MYO5C: variants seen among roughly 807,000 people sequenced by gnomAD.
The protein encoded by MYO5C is unconventional myosin-Vc.
Under a neutral mutation model 235.7 loss-of-function variants are expected in MYO5C, and 194 were observed. The ratio of observed to expected loss-of-function variants is 0.82; its 90% CI spans 0.73 to 0.93. The LOEUF is 0.93. Ranked by LOEUF, MYO5C falls within the 40% of genes least tolerant of loss-of-function variation. The pLI is 0.00. For synonymous variants in MYO5C, 707 were observed against 754.8 expected (o/e 0.94, Z 1.04); for missense variants, 2,038 against 2,127.2 (o/e 0.96, Z 0.82).
chr15:52,277,811 G>A (rs1313775908), intron 4 of MYO5C: 1 of 454,338 alleles, frequency 2.2e-6, no homozygotes, highest in Non-Finnish European at 4.4e-6. Context: ...CTGCCCATCA[G>A]ACATCTGTGC....
intron 21 of MYO5C, among the ~76,000 whole-genome samples, chr15:52,238,442 G>A (rs146807612): frequency 6.6e-6 from 1 of 152,114 alleles, no homozygotes; most frequent in Non-Finnish European, 1.5e-5. Context: ...CAGACACCAA[G>A]TCTATTTCTT....
chr15:52,273,109 A>T (rs1313207306), intron 5 of MYO5C, among the ~76,000 whole-genome samples: 1 of 152,222 alleles, frequency 6.6e-6, no homozygotes, highest in African/African-American at 2.4e-5. Context: ...ACTTGAGGCC[A>T]GGAGTTTGAG....
intron 19 of MYO5C, chr15:52,242,536 C>A: frequency 4.6e-6 from 1 of 217,976 alleles, no homozygotes; most frequent in Non-Finnish European, 9.3e-6. Context: ...ATATCCCCCA[C>A]GGCTGCTTTC....
chr15:52,264,431 GGGGC>G, intron 8 of MYO5C, 135 bp from the exon 9 acceptor site: 3 of 658,478 alleles, frequency 4.6e-6, no homozygotes, highest in Non-Finnish European at 7.9e-6. Context: ...GTGGACCCCA[GGGGC>G]ATCTGGGGCA....
chr15:52,245,928 C>T (rs1596187056), intron 17 of MYO5C, 28 bp downstream of exon 17: 1 of 1,599,724 alleles, frequency 6.3e-7, no homozygotes, highest in Middle Eastern at 1.7e-4. Context: ...AGGTACTTTT[C>T]CCTCCAAGAC....
chr15:52,253,192 A>T, intron 12 of MYO5C, 125 bp downstream of exon 12: 1 of 982,994 alleles, frequency 1.0e-6, no homozygotes, highest in Non-Finnish European at 1.5e-6. Flanking sequence ...TCCCAGCATT[A>T]ATATCCATCC....
At chr15:52,288,176 C>CT (rs1566996494) in intron 1 of MYO5C, among the ~76,000 whole-genome samples, 2 of 152,066 alleles carry the variant, frequency 1.3e-5, no homozygotes, top group African/African-American at 4.8e-5. Flanking sequence ...AGAAATAACT[C>CT]ACCAAACAGC....
intron 28 of MYO5C, 120 bp downstream of exon 28, chr15:52,224,781 T>C (rs553152202): frequency 1.0e-4 from 78 of 748,606 alleles, no homozygotes; most frequent in Non-Finnish European, 1.7e-4. Flanking sequence ...CTAGTGGTTA[T>C]TCAGTCATTC....
At chr15:52,287,148 C>T (rs1185970256) in intron 1 of MYO5C, among the ~76,000 whole-genome samples, 1 of 152,100 alleles carries the variant, frequency 6.6e-6, no homozygotes, top group East Asian at 1.9e-4. Flanking sequence ...ATTTGAGTTG[C>T]TTTAATCCTT....
chr15:52,240,160 C>T (rs2036180177), intron 20 of MYO5C, among the ~76,000 whole-genome samples: 1 of 152,284 alleles, frequency 6.6e-6, no homozygotes, highest in East Asian at 1.9e-4. Flanking sequence ...CATGAGAAAC[C>T]CATGTCCCAA....
Position 52,257,614 on chromosome 15 carries a change from G to A in MYO5C, c.1314-894C>T, listed in dbSNP as rs537162996. ...GCAGCTTGCTGAGCACTTTTAAGGT[G>A]TCAGCATTTATGCACGTCACCTCCT... On this transcript the variant is annotated intron_variant, in intron 10 of 40. Transcript: ENST00000261839. Among the ~76,000 whole-genome samples the A allele has an allele frequency of 8.5e-5, 13 of 152,298 alleles. No individual in the cohort carries two copies. In the South Asian group the frequency reaches 2.5e-3, roughly 29 times the overall value.
At chr15:52,249,779 G>A (rs71472932) in intron 13 of MYO5C, among the ~76,000 whole-genome samples, 13,213 of 152,252 alleles carry the variant, frequency 0.087, 690 homozygotes, top group East Asian at 0.24. Context: ...CATGCAGCTG[G>A]TGCCTCTGTT....
chr15:52,206,007 A>C lies in MYO5C; in HGVS notation c.4387-41T>G, dbSNP rs770298242. ...AACATAAAATATTAGAATAATACAAACATGTAGGAAATTAATAATCAGCTA... is the reference window on the plus strand; with the variant it reads ...AACATAAAATATTAGAATAATACAACCATGTAGGAAATTAATAATCAGCTA... On this transcript the variant is annotated intron_variant, in intron 36 of 40. Transcript: ENST00000261839. 4 of 1,232,104 alleles carry C rather than the reference A, an allele frequency of 3.2e-6. No homozygotes were observed. In the South Asian group the frequency reaches 5.0e-5, roughly 15 times the overall value. The allele number at this position is 1,232,104 out of a possible 1,614,324, so 76.3% of individuals were successfully genotyped here. A position where few individuals can be genotyped will look rare whatever the true frequency, so the allele number is the denominator to read the frequency against.
At chr15:52,262,830 T>A (rs1015358879) in intron 9 of MYO5C, among the ~76,000 whole-genome samples, 4 of 152,218 alleles carry the variant, frequency 2.6e-5, no homozygotes, top group African/African-American at 9.6e-5. Flanking sequence ...CAGACATTAT[T>A]ACAGACTGAA....
At chr15:52,256,516 G>A in intron 11 of MYO5C, 123 bp downstream of exon 11, 1 of 657,138 alleles carries the variant, frequency 1.5e-6, no homozygotes, top group East Asian at 2.7e-5. Flanking sequence ...GAGGCTCCTT[G>A]CATAAAAATT....
In MYO5C at chr15:52,260,753, A is replaced by G. The variant is rs529446141; in HGVS notation, c.1313+109T>C. On this transcript the variant is annotated intron_variant, in intron 10 of 40. Coordinates refer to ENST00000261839, the MANE Select transcript of MYO5C (RefSeq NM_018728.4). Reference sequence around the variant, plus strand: ...TATAGGGGCAAAAGCAGAGAATGTTATCTTTCTAATCATGTGAAATACAAA... The same window carrying G: ...TATAGGGGCAAAAGCAGAGAATGTTGTCTTTCTAATCATGTGAAATACAAA... 1,744 of 1,257,938 alleles carry G rather than the reference A, an allele frequency of 1.4e-3. 3 individuals carry two copies. The highest frequency in any genetic ancestry group is 1.8e-3 in the Non-Finnish European group (1,594 of 908,598). 77.9% of individuals were successfully genotyped at this position (1,257,938 alleles called of 1,614,324 possible).
At chr15:52,264,429 CA>C (rs1338282604) in intron 8 of MYO5C, 133 bp from the exon 9 acceptor site, 1 of 682,904 alleles carries the variant, frequency 1.5e-6, no homozygotes, top group African/African-American at 1.8e-5. Context: ...AAGTGGACCC[CA>C]GGGGCATCTG....
At chr15:52,196,524 G>A (rs1481536796) in intron 38 of MYO5C, 41 bp from the exon 39 acceptor site, 2 of 1,585,504 alleles carry the variant, frequency 1.3e-6, no homozygotes, top group East Asian at 4.5e-5. Flanking sequence ...CTTTAGGGAA[G>A]GGTGCCAGAT....
intron 10 of MYO5C, among the ~76,000 whole-genome samples, chr15:52,259,271 T>C (rs2036641726): frequency 6.6e-6 from 1 of 151,544 alleles, no homozygotes; most frequent in African/African-American, 2.4e-5. Flanking sequence ...ATAAAAAAAA[T>C]CAGCCGGGCG....
Sources: gnomAD v4.1 joint callset for allele counts (sites outside exome capture counted in the v4.1 genomes callset) on GRCh38, gnomAD v4.1.1 for gene constraint, MANE v1.5 for transcripts, NCBI Gene and HGNC (gene_info 2026-07-23, HGNC 2026-07-21) for gene names.